Variants in KDM3B observed in about 807,000 individuals in gnomAD.
The protein encoded by KDM3B is lysine-specific demethylase 3B.
A neutral mutation model predicts 170.0 loss-of-function variants in KDM3B; 10 were observed. The ratio of observed to expected loss-of-function variants is 0.06; its 90% CI spans 0.04 to 0.10. The LOEUF (loss-of-function observed/expected upper bound fraction) is 0.10. Among genes scored for constraint, KDM3B ranks in the 10% least tolerant of loss-of-function variants. The pLI, the probability that KDM3B is intolerant of heterozygous loss-of-function variation, is 1.00. For missense variants in KDM3B, 1,394 were observed against 2,195.2 expected, an observed-to-expected ratio of 0.64 and a Z score of 7.29; for synonymous variants, 831 against 834.8, an observed-to-expected ratio of 1.00 and a Z score of 0.08.
intron 10 of KDM3B, 75 bp downstream of exon 10, chr5:138,398,467 T>C (rs538848443): frequency 1.2e-5 from 15 of 1,304,138 alleles, no homozygotes; most frequent in African/African-American, 8.8e-5. Context: ...AACGGGAAGA[T>C]TGGGGACAGT....
At chr5:138,408,402 A>AG (rs2126974299) in intron 11 of KDM3B, among the ~76,000 whole-genome samples, 1 of 139,680 alleles carries the variant, frequency 7.2e-6, no homozygotes, top group East Asian at 2.0e-4. Flanking sequence ...AAAAAAAAAA[A>AG]AGAAAGAAAT....
chr5:138,390,094 C>T (rs1045841834), intron 7 of KDM3B, among the ~76,000 whole-genome samples: 7 of 151,924 alleles, frequency 4.6e-5, no homozygotes, highest in Admixed American at 3.9e-4. Flanking sequence ...CTCCAGACCT[C>T]GTGATCCGCC....
chr5:138,412,917 G>A (rs1214297737), intron 11 of KDM3B, among the ~76,000 whole-genome samples: 1 of 152,206 alleles, frequency 6.6e-6, no homozygotes, highest in Non-Finnish European at 1.5e-5. Context: ...TGCTACAGGT[G>A]TGAGCTACCA....
At chr5:138,427,651 T>A (rs1313766968) in intron 19 of KDM3B, among the ~76,000 whole-genome samples, 1 of 152,190 alleles carries the variant, frequency 6.6e-6, no homozygotes, top group African/African-American at 2.4e-5. Flanking sequence ...GCCAGTGCTT[T>A]GTTAAGGCCA....
intron 15 of KDM3B, 50 bp downstream of exon 15, chr5:138,421,012 C>T (rs376308152): frequency 1.1e-5 from 18 of 1,597,656 alleles, no homozygotes; most frequent in Non-Finnish European, 1.4e-5. Flanking sequence ...ATGAAAGAAC[C>T]ATCAGAGATC....
At chr5:138,360,229 C>T (rs1445760996) in intron 1 of KDM3B, among the ~76,000 whole-genome samples, 2 of 152,186 alleles carry the variant, frequency 1.3e-5, no homozygotes, top group Non-Finnish European at 2.9e-5. Context: ...CCTTTCATTA[C>T]TTACAATTCC....
At chr5:138,403,314 T>C (rs1364153657) in intron 11 of KDM3B, among the ~76,000 whole-genome samples, 2 of 152,020 alleles carry the variant, frequency 1.3e-5, no homozygotes, top group Non-Finnish European at 2.9e-5. Flanking sequence ...CCAACTTACA[T>C]GACCAGTAAG....
chr5:138,362,336 C>G (rs1761630490), intron 1 of KDM3B, among the ~76,000 whole-genome samples: 1 of 151,848 alleles, frequency 6.6e-6, no homozygotes, highest in African/African-American at 2.4e-5. Flanking sequence ...TGAATCCCTT[C>G]CCTGCTAACC....
At chr5:138,368,235 CTTT>C (rs111379967) in intron 1 of KDM3B, among the ~76,000 whole-genome samples, 3 of 139,950 alleles carry the variant, frequency 2.1e-5, no homozygotes, top group African/African-American at 5.2e-5. Flanking sequence ...TTCTTTCTTT[CTTT>C]TTTTTTTTTT....
chr5:138,391,267 G>C lies in KDM3B; in HGVS notation c.1635G>C (p.Glu545Asp). 1 of 1,614,122 alleles carries C rather than the reference G, an allele frequency of 6.2e-7. No homozygotes were observed. Residue 545 changes from glutamate (E) to aspartate (D), a missense_variant, in exon 8 of 24, where the codon GAG becomes GAC. Transcript: ENST00000314358. This position sits in a 1 kb window ranked among gnomAD's most constrained non-coding sequence, Gnocchi z 5.0. ...PTSNYFTTVS[E>D]SLADDSSSRD... ...GTAACTACTTCACTACTGTTTCAGAGAGTTTGGCTGATGATTCTTCTAGTC... is the reference window on the plus strand; with the variant it reads ...GTAACTACTTCACTACTGTTTCAGACAGTTTGGCTGATGATTCTTCTAGTC...
chr5:138,390,421 G>C (rs1249851472), intron 7 of KDM3B, among the ~76,000 whole-genome samples: 2 of 152,130 alleles, frequency 1.3e-5, no homozygotes, highest in African/African-American at 2.4e-5. Flanking sequence ...AGGTTGACTT[G>C]AACCCATAAA....
intron 11 of KDM3B, 54 bp downstream of exon 11, chr5:138,400,066 G>C: frequency 6.4e-7 from 1 of 1,559,568 alleles, no homozygotes; most frequent in Non-Finnish European, 8.8e-7. Context: ...GTATGTCCAA[G>C]ATGTTGTGGG....
intron 11 of KDM3B, among the ~76,000 whole-genome samples, chr5:138,410,113 G>GAAAAC (rs1762924554): frequency 6.6e-6 from 1 of 151,946 alleles, no homozygotes; most frequent in Non-Finnish European, 1.5e-5. Context: ...GAAAAGAAAA[G>GAAAAC]AAAAATAGAG....
rs1762781081 is a variant in KDM3B, at chr5:138,405,026, C to G, written c.3199+5014C>G. Among the ~76,000 whole-genome samples the G allele has an allele frequency of 2.6e-5, 4 of 152,002 alleles. No homozygotes were observed. The South Asian group carries it at 6.3e-4, about 24-fold the overall frequency. ...AAAGTGCTGGGATTACAGGCGTGAGCCACCGTGCCCAGCCTACAAATTTTT... is the reference window on the plus strand; with the variant it reads ...AAAGTGCTGGGATTACAGGCGTGAGGCACCGTGCCCAGCCTACAAATTTTT... On this transcript the variant is annotated intron_variant, in intron 11 of 23. Transcript: ENST00000314358.
chr5:138,365,827 C>T (rs111290757), intron 1 of KDM3B, among the ~76,000 whole-genome samples: 6,256 of 151,842 alleles, frequency 0.041, 178 homozygotes, highest in South Asian at 0.11. Flanking sequence ...GGTGAAACCC[C>T]GTCTCTACTA....
intron 23 of KDM3B, among the ~76,000 whole-genome samples, chr5:138,432,870 G>A (rs916121709): frequency 2.6e-5 from 4 of 151,084 alleles, no homozygotes; most frequent in Middle Eastern, 3.2e-3. Context: ...TCAGCCTCCC[G>A]AGTAGCTGGG....
intron 15 of KDM3B, among the ~76,000 whole-genome samples, chr5:138,422,933 T>G (rs1580951687): frequency 6.6e-6 from 1 of 152,344 alleles, no homozygotes; most frequent in Middle Eastern, 3.4e-3. Flanking sequence ...TATTTGTTTC[T>G]CTTTTGGATA....
intron 3 of KDM3B, 100 bp downstream of exon 3, chr5:138,375,306 CAT>C: frequency 2.0e-6 from 1 of 506,146 alleles, no homozygotes. Context: ...TGGGTGGGAA[CAT>C]ATTAGCATTT....
Position 138,352,696 on chromosome 5 carries a change from G to C in KDM3B, c.-100G>C. The stretch of plus-strand genomic sequence containing the variant: ...GGGGGGGTGGGGGGGAACGGCGGCC[G>C]CGGGTGGTGCGGAGGGAGGCCTTGC... On this transcript the variant is annotated 5_prime_UTR_variant, in exon 1 of 24. Transcript: ENST00000314358. 1.0e-6 allele frequency: 1 copy of C among 958,638 alleles called. No homozygotes were observed. Among genetic ancestry groups the C allele is most frequent in the Non-Finnish European group, 1.3e-6 (1 of 760,026 alleles). 59.4% of individuals were successfully genotyped at this position (958,638 alleles called of 1,614,324 possible).
Sources: allele counts gnomAD v4.1 joint callset (sites outside exome capture counted in the v4.1 genomes callset), GRCh38; gene constraint gnomAD v4.1.1; non-coding constraint Gnocchi (gnomAD v3.1); transcripts MANE v1.5; gene names NCBI Gene and HGNC (gene_info 2026-07-23, HGNC 2026-07-21).